Variants in CARMIL1 observed in about 807,000 individuals in gnomAD.
CARMIL1 encodes F-actin-uncapping protein LRRC16A.
Under a neutral mutation model 177.1 loss-of-function variants are expected in CARMIL1, and 90 were observed. The ratio of observed to expected loss-of-function variants is 0.51; its 90% CI spans 0.43 to 0.61. The LOEUF (loss-of-function observed/expected upper bound fraction) is 0.61, where lower values mean the gene tolerates loss of function less well. Ranked by LOEUF, CARMIL1 falls within the 20% of genes least tolerant of loss-of-function variation. CARMIL1 has a pLI of 0.00. For synonymous variants in CARMIL1, 577 were observed against 606.2 expected, an observed-to-expected ratio of 0.95 and a Z score of 0.71; for missense variants, 1,380 against 1,667.0, an observed-to-expected ratio of 0.83 and a Z score of 3.00.
At chr6:25,344,541 T>C (rs9461141) in intron 2 of CARMIL1, among the ~76,000 whole-genome samples, 5 of 152,272 alleles carry the variant, frequency 3.3e-5, no homozygotes, top group East Asian at 1.9e-4. Flanking sequence ...CACTCTAAGC[T>C]GATCACAGAT....
At chr6:25,390,288 A>T (rs1490376972) in intron 2 of CARMIL1, among the ~76,000 whole-genome samples, 1 of 95,162 alleles carries the variant, frequency 1.1e-5, no homozygotes, top group Non-Finnish European at 2.1e-5. Flanking sequence ...ACACATATAT[A>T]TTTACATATA....
chr6:25,427,063 C>G (rs114200730), intron 4 of CARMIL1, among the ~76,000 whole-genome samples: 1,843 of 152,280 alleles, frequency 0.012, 20 homozygotes, highest in Middle Eastern at 0.024. Context: ...CTGCAGGTAT[C>G]TACTTTTGGT....
chr6:25,362,058 T>C (rs1172620006), intron 2 of CARMIL1, among the ~76,000 whole-genome samples: 1 of 152,240 alleles, frequency 6.6e-6, no homozygotes, highest in Non-Finnish European at 1.5e-5. Flanking sequence ...TACTGTGTTA[T>C]AGCAACAGAA....
At chr6:25,586,044 C>T (rs570063447) in intron 31 of CARMIL1, among the ~76,000 whole-genome samples, 1 of 152,292 alleles carries the variant, frequency 6.6e-6, no homozygotes, top group East Asian at 1.9e-4. Flanking sequence ...CATGGCCCGC[C>T]CTCAATGAGC....
chr6:25,351,988 A>G (rs1562022722), intron 2 of CARMIL1, among the ~76,000 whole-genome samples: 1 of 151,760 alleles, frequency 6.6e-6, no homozygotes, highest in African/African-American at 2.4e-5. Context: ...AAATAAATAG[A>G]TTTTTTTTCT....
intron 16 of CARMIL1, among the ~76,000 whole-genome samples, chr6:25,495,530 CGTTT>C (rs1562215072): frequency 1.6e-5 from 2 of 124,570 alleles, no homozygotes; most frequent in African/African-American, 3.0e-5. Flanking sequence ...CAGGCATATT[CGTTT>C]GTTCGTGTGT....
Position 25,509,799 on chromosome 6 carries a change from A to G in CARMIL1, c.1477+62A>G. 8.6e-7 allele frequency: 1 copy of G among 1,159,856 alleles called. No individual in the cohort carries two copies. Among genetic ancestry groups the G allele is most frequent in the South Asian group, 1.3e-5 (1 of 74,086 alleles). The allele number at this position is 1,159,856 out of a possible 1,614,324, so 71.8% of individuals were successfully genotyped here. ...TTTTTTGAAGCAAGTTAATAAGGGG[A>G]AAATAATCTTCTACCCAAATCCAAA... On this transcript the variant is annotated intron_variant, in intron 18 of 36. Coordinates refer to ENST00000329474, the MANE Select transcript of CARMIL1 (RefSeq NM_017640.6). This position sits in a 1 kb window ranked among gnomAD's most constrained non-coding sequence, Gnocchi z 4.1.
At position 25,285,272 on chromosome 6, in the gene CARMIL1, A is replaced by G. The variant is rs370056721; in HGVS notation, c.138+363A>G. 4.6e-5 allele frequency among the ~76,000 whole-genome samples: 7 copies of G among 152,254 alleles called. No homozygotes were observed. The East Asian group carries it at 1.4e-3, about 29-fold the overall frequency. The stretch of plus-strand genomic sequence containing the variant: ...CTTTATTCATAAAGTCTTATGGAGG[A>G]GTTTAAAAAGTTCATCTCATGTTGG... On this transcript the variant is annotated intron_variant, in intron 2 of 36. Transcript: ENST00000329474.
intron 2 of CARMIL1, among the ~76,000 whole-genome samples, chr6:25,351,374 A>G (rs1788087547): frequency 6.6e-6 from 1 of 152,222 alleles, no homozygotes; most frequent in Non-Finnish European, 1.5e-5. Context: ...ACTTCCACAC[A>G]CAGCACATAT....
At chr6:25,539,884 G>A in intron 25 of CARMIL1, 63 bp from the exon 26 acceptor site, 1 of 1,280,794 alleles carries the variant, frequency 7.8e-7, no homozygotes. Context: ...CATTCACTCT[G>A]CAATGACTTT....
intron 2 of CARMIL1, among the ~76,000 whole-genome samples, chr6:25,295,980 G>T (rs1782339284): frequency 6.6e-6 from 1 of 152,128 alleles, no homozygotes; most frequent in Admixed American, 6.5e-5. Flanking sequence ...AAATGATAAG[G>T]CACATGGCAC....
At chr6:25,385,064 G>A (rs929502143) in intron 2 of CARMIL1, among the ~76,000 whole-genome samples, 4 of 152,152 alleles carry the variant, frequency 2.6e-5, no homozygotes, top group Non-Finnish European at 4.4e-5. Context: ...GTTCACATTC[G>A]GTGAGAGAGG....
chr6:25,473,292 C>T (rs1183899528), intron 11 of CARMIL1, among the ~76,000 whole-genome samples: 1 of 152,130 alleles, frequency 6.6e-6, no homozygotes, highest in Non-Finnish European at 1.5e-5. Context: ...ACTGTTGACC[C>T]TTGAACGACA....
intron 23 of CARMIL1, among the ~76,000 whole-genome samples, chr6:25,524,588 A>G (rs1035980321): frequency 1.3e-5 from 2 of 152,230 alleles, no homozygotes; most frequent in African/African-American, 4.8e-5. Context: ...CAAAAATTAC[A>G]AAGCATGTTA....
At chr6:25,475,370 T>C (rs1479798807) in intron 11 of CARMIL1, among the ~76,000 whole-genome samples, 3 of 150,076 alleles carry the variant, frequency 2.0e-5, no homozygotes, top group Non-Finnish European at 4.4e-5. Flanking sequence ...CACTGCATTC[T>C]AGCCTGGGTG....
Position 25,435,476 on chromosome 6 carries a change from C to T in CARMIL1, c.250-7C>T, listed in dbSNP as rs1224281572. 6 of 1,550,004 alleles carry T rather than the reference C, an allele frequency of 3.9e-6. No homozygotes were observed. In the East Asian group the frequency reaches 7.3e-5, roughly 19 times the overall value. On this transcript the variant is annotated splice_polypyrimidine_tract_variant and splice_region_variant and intron_variant, in intron 4 of 36. Transcript: ENST00000329474. ...ATTCTTAAGAAGTGTCCCACCGGTTCTTGCAGATGATTGTGGAAACTGAGA... is the reference window on the plus strand; with the variant it reads ...ATTCTTAAGAAGTGTCCCACCGGTTTTTGCAGATGATTGTGGAAACTGAGA...
intron 2 of CARMIL1, among the ~76,000 whole-genome samples, chr6:25,333,567 A>G (rs1345591859): frequency 6.6e-6 from 1 of 152,222 alleles, no homozygotes; most frequent in African/African-American, 2.4e-5. Flanking sequence ...CACTGTGTAA[A>G]TAAATAAAAA....
At chr6:25,571,993 TGA>T (rs1468044114) in intron 29 of CARMIL1, among the ~76,000 whole-genome samples, 1 of 152,210 alleles carries the variant, frequency 6.6e-6, no homozygotes, top group Non-Finnish European at 1.5e-5. Flanking sequence ...TTAAGGCACT[TGA>T]GGGACAGTTG....
intron 20 of CARMIL1, among the ~76,000 whole-genome samples, chr6:25,512,237 A>G (rs489748): frequency 0.44 from 66,377 of 152,068 alleles, 14,891 homozygotes; most frequent in Middle Eastern, 0.51. Flanking sequence ...TTCAAACTGT[A>G]TCTATAATTC....
Sources: allele counts gnomAD v4.1 joint callset (sites outside exome capture counted in the v4.1 genomes callset), GRCh38; gene constraint gnomAD v4.1.1; non-coding constraint Gnocchi (gnomAD v3.1); transcripts MANE v1.5; gene names NCBI Gene and HGNC (gene_info 2026-07-23, HGNC 2026-07-21).